Variants in DCAF5 observed in about 807,000 individuals in gnomAD.
DCAF5 encodes the protein DDB1 and CUL4 associated factor 5.
DCAF5 carries 9 observed loss-of-function variants against 80.7 expected under a neutral mutation model. That is an observed-to-expected ratio of 0.11 (90% CI 0.07 to 0.19). The LOEUF (loss-of-function observed/expected upper bound fraction) is 0.19, where lower values mean the gene tolerates loss of function less well. DCAF5 is among the 10% of genes least tolerant of loss of function. The pLI is 1.00. For synonymous variants in DCAF5, 433 were observed against 461.9 expected (o/e 0.94, Z 0.80); for missense variants, 842 against 1,205.7 (o/e 0.70, Z 4.47).
At chr14:69,066,730 T>C (rs1393285450) in intron 7 of DCAF5, among the ~76,000 whole-genome samples, 1 of 152,156 alleles carries the variant, frequency 6.6e-6, no homozygotes, top group African/African-American at 2.4e-5. Flanking sequence ...CTAAGGGAAA[T>C]GTGTATGTCC....
rs539623650 is a variant in DCAF5 at position 69,068,864 on chromosome 14, T to C, written c.947-6353A>G. On this transcript the variant is annotated intron_variant, in intron 7 of 8. Transcript: ENST00000341516. ...AGAGGACCATCAAGGATACTGACAA[T>C]ACGGACAGAGCAGTGACTGCCTCCT... is the stretch of plus-strand genomic sequence containing the variant. Among the ~76,000 whole-genome samples the C allele has an allele frequency of 1.5e-4, 23 of 152,162 alleles. No individual in the cohort carries two copies. In the South Asian group the frequency reaches 4.8e-3, roughly 32 times the overall value.
chr14:69,100,825 C>G (rs997781667), intron 5 of DCAF5, among the ~76,000 whole-genome samples: 2 of 152,104 alleles, frequency 1.3e-5, no homozygotes, highest in African/African-American at 4.8e-5. Context: ...TGAGAGTATA[C>G]TAAGAAGTCC....
chr14:69,095,382 T>A (rs1201654272), intron 5 of DCAF5, among the ~76,000 whole-genome samples: 1 of 152,138 alleles, frequency 6.6e-6, no homozygotes, highest in Non-Finnish European at 1.5e-5. Flanking sequence ...CCCCAACCTA[T>A]CTTCATCCAA....
intron 1 of DCAF5, among the ~76,000 whole-genome samples, chr14:69,137,694 G>C (rs1426504132): frequency 6.6e-6 from 1 of 152,118 alleles, no homozygotes; most frequent in Non-Finnish European, 1.5e-5. Flanking sequence ...AACTTCACTT[G>C]TTTCTTGCCA....
chr14:69,072,364 A>C (rs778242016), intron 7 of DCAF5, among the ~76,000 whole-genome samples: 4 of 152,148 alleles, frequency 2.6e-5, no homozygotes, highest in Non-Finnish European at 5.9e-5. Context: ...GATAAAAAGA[A>C]GTACTTAATT....
At chr14:69,081,381 T>A (rs190363297) in intron 6 of DCAF5, among the ~76,000 whole-genome samples, 6 of 152,330 alleles carry the variant, frequency 3.9e-5, no homozygotes, top group African/African-American at 1.4e-4. Context: ...ACACACATTA[T>A]CCATAATCTT....
At chr14:69,087,176 A>G (rs1417294256) in intron 6 of DCAF5, among the ~76,000 whole-genome samples, 2 of 152,230 alleles carry the variant, frequency 1.3e-5, no homozygotes, top group East Asian at 3.8e-4. Context: ...GAGAAGGAAC[A>G]AGAGCCAAGT....
At chr14:69,122,175 C>G in intron 2 of DCAF5, 42 bp downstream of exon 2, 1 of 1,587,458 alleles carries the variant, frequency 6.3e-7, no homozygotes, top group Non-Finnish European at 8.6e-7. Context: ...CTCTAAAATC[C>G]CAACCACAGT....
At chr14:69,084,509 T>C in intron 6 of DCAF5, 1 of 770,852 alleles carries the variant, frequency 1.3e-6, no homozygotes, top group Non-Finnish European at 2.3e-6. Flanking sequence ...GGCAAGGATT[T>C]CTCTGAAAAA....
intron 1 of DCAF5, among the ~76,000 whole-genome samples, chr14:69,139,925 G>A (rs770867181): frequency 1.3e-5 from 2 of 150,570 alleles, no homozygotes; most frequent in Non-Finnish European, 3.0e-5. Context: ...AGGAAGGAAA[G>A]AAGGAAGGGA....
Position 69,117,245 on chromosome 14 carries a change from C to T in DCAF5, c.536-750G>A, listed in dbSNP as rs57255147. ...CATCTCTGCCATCAGGCAGTTCAGA[C>T]GAAGGAGAATTTCACTTACCAAGCC... On this transcript the variant is annotated intron_variant, in intron 4 of 8. Transcript: ENST00000341516. 6.1e-3 allele frequency among the ~76,000 whole-genome samples: 935 copies of T among 152,268 alleles called. 11 individuals are homozygous for T. The highest frequency in any genetic ancestry group is 0.021 in the African/African-American group (872 of 41,548).
At chr14:69,065,375 G>A (rs1232616375) in intron 7 of DCAF5, among the ~76,000 whole-genome samples, 6 of 152,224 alleles carry the variant, frequency 3.9e-5, no homozygotes, top group African/African-American at 9.6e-5. Flanking sequence ...GATTACAGGC[G>A]TGAGCCACCA....
Position 69,085,350 on chromosome 14 carries a change from T to C in DCAF5, c.879+6324A>G. 7.5e-6 allele frequency: 5 copies of C among 666,406 alleles called. 1 individual carries two copies. The highest frequency in any genetic ancestry group is 5.8e-5 in the South Asian group (4 of 68,536). 41.3% of individuals were successfully genotyped at this position (666,406 alleles called of 1,614,324 possible). ...AGAAGTCCAAAATCTTTAAACATAT[T>C]AGCAAGCAAACATCCAACCGCAGGC... On this transcript the variant is annotated intron_variant, in intron 6 of 8. Coordinates refer to ENST00000341516, the MANE Select transcript of DCAF5 (RefSeq NM_003861.3).
Position 69,054,174 on chromosome 14 carries a change from G to A in DCAF5, c.2512C>T (p.His838Tyr). The stretch of plus-strand genomic sequence containing the variant: ...TTGTGAGGGTGAGGGGGACGAGGGT[G>A]TAAGCGTCCATTGTTGTGGTTGGCA... ...ICANHNNGRL[H>Y]PRPPHPHNNG... The change falls in exon 9 of 9, where the codon CAC becomes TAC. Residue 838 changes from histidine (H) to tyrosine (Y), a missense_variant. His to Tyr is a moderately conservative substitution (Grantham distance 83). Around this residue, in one of 5 missense-constraint regions of DCAF5, gnomAD observed 607 missense variants for 656.6 expected, o/e 0.92. Transcript: ENST00000341516. The A allele has an allele frequency of 6.2e-7, 1 of 1,614,276 alleles. No homozygotes were observed.
At chr14:69,113,243 ATC>A (rs2040431838) in intron 5 of DCAF5, among the ~76,000 whole-genome samples, 2 of 152,292 alleles carry the variant, frequency 1.3e-5, no homozygotes, top group South Asian at 2.1e-4. Flanking sequence ...CAAGGAGATT[ATC>A]TGTTTCTAGG....
At chr14:69,114,256 G>C (rs908741073) in intron 5 of DCAF5, among the ~76,000 whole-genome samples, 1 of 152,050 alleles carries the variant, frequency 6.6e-6, no homozygotes, top group Non-Finnish European at 1.5e-5. Flanking sequence ...AAGTAGGCCT[G>C]GTTATAAAGA....
chr14:69,133,374 TA>T (rs1326105571), intron 1 of DCAF5, among the ~76,000 whole-genome samples: 3 of 152,174 alleles, frequency 2.0e-5, no homozygotes, highest in African/African-American at 7.2e-5. Flanking sequence ...TCTGTATTTT[TA>T]AAAGATAAGC....
intron 7 of DCAF5, among the ~76,000 whole-genome samples, chr14:69,066,607 A>G (rs1385774601): frequency 1.3e-5 from 2 of 152,366 alleles, no homozygotes; most frequent in Admixed American, 6.5e-5. Flanking sequence ...TTTCAGTATC[A>G]GTAATCCACT....
intron 6 of DCAF5, among the ~76,000 whole-genome samples, chr14:69,075,988 G>A (rs1162205542): frequency 6.6e-6 from 1 of 152,010 alleles, no homozygotes; most frequent in East Asian, 1.9e-4. Flanking sequence ...AAATTAGACA[G>A]TTCTCCAAAG....
Sources: gnomAD v4.1 joint callset for allele counts (sites outside exome capture counted in the v4.1 genomes callset) on GRCh38, gnomAD v4.1.1 for gene constraint, gnomAD v4.1.1 regional missense constraint, MANE v1.5 for transcripts, NCBI Gene and HGNC (gene_info 2026-07-23, HGNC 2026-07-21) for gene names.